SAMD3: variants seen among roughly 807,000 people sequenced by gnomAD.
The protein encoded by SAMD3 is sterile alpha motif domain containing 3.
Under a neutral mutation model 58.5 loss-of-function variants are expected in SAMD3, and 63 were observed. The observed-to-expected ratio is 1.08, with a 90% confidence interval of 0.88 to 1.33. The LOEUF is 1.33. Among genes scored for constraint, SAMD3 ranks in the 40% most tolerant of loss-of-function variants. The pLI is 0.00. For missense variants in SAMD3, 604 were observed against 608.4 expected (o/e 0.99, Z 0.08); for synonymous variants, 220 against 210.3 (o/e 1.05, Z -0.40).
intron 2 of SAMD3, among the ~76,000 whole-genome samples, chr6:130,291,848 C>A (rs1165698764): frequency 2.0e-5 from 3 of 152,082 alleles, no homozygotes; most frequent in Non-Finnish European, 4.4e-5. Context: ...AGTAATTTCC[C>A]AATTTCGTTA....
At chr6:130,274,712 G>A (rs532290374) in intron 2 of SAMD3, among the ~76,000 whole-genome samples, 25 of 151,272 alleles carry the variant, frequency 1.7e-4, no homozygotes, top group Non-Finnish European at 3.5e-4. Flanking sequence ...CTTCTTAATT[G>A]GAATCTGGAG....
At chr6:130,168,486 C>A (rs913271498) in intron 8 of SAMD3, among the ~76,000 whole-genome samples, 2 of 152,114 alleles carry the variant, frequency 1.3e-5, no homozygotes, top group Admixed American at 6.5e-5. Flanking sequence ...ATTAAGACAT[C>A]TACCTTCAAT....
At chr6:130,259,257 G>T (rs6922345) in intron 2 of SAMD3, among the ~76,000 whole-genome samples, 18,859 of 152,168 alleles carry the variant, frequency 0.12, 3,004 homozygotes, top group African/African-American at 0.37. Flanking sequence ...TGATTCTGAT[G>T]GTTAGAAAGT....
intron 1 of SAMD3, among the ~76,000 whole-genome samples, chr6:130,362,179 C>T (rs1293753343): frequency 6.6e-6 from 1 of 152,152 alleles, no homozygotes; most frequent in Non-Finnish European, 1.5e-5. Context: ...TGAACAGTGC[C>T]CTAGTGCAGT....
rs1379149656 is a variant in SAMD3 at position 130,228,008 on chromosome 6, T to C, written c.-187-5195A>G. ...GATACCCTTTTTAAGAAAAATCAGG[T>C]CCAGCAAAGCAAGTAAAACTAGTTA... On this transcript the variant is annotated intron_variant, in intron 2 of 13. Coordinates refer to the SAMD3 transcript ENST00000368134. 2.0e-5 allele frequency among the ~76,000 whole-genome samples: 3 copies of C among 152,138 alleles called. No homozygotes were observed. In the East Asian group the frequency reaches 5.8e-4, roughly 29 times the overall value.
chr6:130,181,104 G>T (rs543768922), intron 7 of SAMD3, among the ~76,000 whole-genome samples: 1 of 151,844 alleles, frequency 6.6e-6, no homozygotes, highest in East Asian at 1.9e-4. Context: ...CCACCACCAT[G>T]CCCGGCTAAT....
intron 8 of SAMD3, among the ~76,000 whole-genome samples, chr6:130,159,178 A>G (rs1197937213): frequency 6.6e-6 from 1 of 152,122 alleles, no homozygotes; most frequent in Non-Finnish European, 1.5e-5. Context: ...AGTCTTTCTC[A>G]TGCTGTTCTC....
intron 9 of SAMD3, among the ~76,000 whole-genome samples, chr6:130,147,827 G>T (rs917944264): frequency 2.0e-5 from 3 of 152,232 alleles, no homozygotes; most frequent in African/African-American, 7.2e-5. Context: ...TTTCCTTGAC[G>T]GTTTCTGAAA....
At chr6:130,158,819 G>T (rs551817788) in intron 8 of SAMD3, among the ~76,000 whole-genome samples, 1 of 152,286 alleles carries the variant, frequency 6.6e-6, no homozygotes, top group South Asian at 2.1e-4. Flanking sequence ...TTTCCCACTG[G>T]TGACTCGGTT....
chr6:130,314,779 A>C (rs1023926747), intron 1 of SAMD3, among the ~76,000 whole-genome samples: 2 of 152,190 alleles, frequency 1.3e-5, no homozygotes, highest in Non-Finnish European at 2.9e-5. Context: ...GAAAAACATA[A>C]TAGATAAAAT....
chr6:130,167,734 C>T (rs948155953), intron 8 of SAMD3, among the ~76,000 whole-genome samples: 2 of 152,282 alleles, frequency 1.3e-5, no homozygotes, highest in South Asian at 2.1e-4. Flanking sequence ...GCATAAGAAG[C>T]GATGGCACAG....
Position 130,335,405 on chromosome 6 carries a change from G to C in SAMD3, c.-303-22312C>G, listed in dbSNP as rs147225597. The stretch of plus-strand genomic sequence containing the variant: ...ATTCCATTAATGCATCTTCCTGATA[G>C]AGGGCCACCTGTGTCCTACTAAGTG... On this transcript the variant is annotated intron_variant, in intron 1 of 13. Coordinates refer to the SAMD3 transcript ENST00000368134. 5.3e-5 allele frequency among the ~76,000 whole-genome samples: 8 copies of C among 152,314 alleles called. No homozygotes were observed. In the East Asian group the frequency reaches 1.5e-3, roughly 29 times the overall value.
At chr6:130,271,161 G>A (rs1278571127) in intron 2 of SAMD3, among the ~76,000 whole-genome samples, 1 of 151,892 alleles carries the variant, frequency 6.6e-6, no homozygotes, top group Non-Finnish European at 1.5e-5. Flanking sequence ...CACCATACTT[G>A]GCTGGTTTTT....
intron 6 of SAMD3, 22 bp from the exon 7 acceptor site, chr6:130,184,209 A>C: frequency 6.3e-7 from 1 of 1,581,480 alleles, no homozygotes; most frequent in Non-Finnish European, 8.6e-7. Flanking sequence ...AACAAGGAGG[A>C]TATGTTTCAC....
At chr6:130,336,819 A>C (rs1198538104) in intron 1 of SAMD3, among the ~76,000 whole-genome samples, 1 of 152,170 alleles carries the variant, frequency 6.6e-6, no homozygotes, top group African/African-American at 2.4e-5. Context: ...TGGAATTTGC[A>C]CCTTGCTACA....
chr6:130,173,189 C>A (rs1472953548), intron 8 of SAMD3, among the ~76,000 whole-genome samples: 1 of 152,082 alleles, frequency 6.6e-6, no homozygotes, highest in Admixed American at 6.6e-5. Context: ...CTTCTGAAGC[C>A]GTCATCAATC....
chr6:130,189,305 G>A (rs769998098), intron 5 of SAMD3, among the ~76,000 whole-genome samples: 2 of 152,120 alleles, frequency 1.3e-5, no homozygotes, highest in South Asian at 2.1e-4. Flanking sequence ...TAAAAGATCT[G>A]TATGCCATGT....
intron 6 of SAMD3, 84 bp downstream of exon 6, chr6:130,184,354 A>T: frequency 7.3e-7 from 1 of 1,364,026 alleles, no homozygotes; most frequent in Non-Finnish European, 1.0e-6. Flanking sequence ...CCACAATCTG[A>T]AGAGAGTTGA....
intron 9 of SAMD3, 103 bp downstream of exon 9, chr6:130,154,711 AAAAAAAAATAT>A (rs1300208794): frequency 2.6e-3 from 331 of 126,978 alleles, no homozygotes; most frequent in African/African-American, 6.8e-3. Flanking sequence ...AAAAAAAAAA[AAAAAAAAATAT>A]ATATATATAT....
Sources: allele counts gnomAD v4.1 joint callset (sites outside exome capture counted in the v4.1 genomes callset), GRCh38; gene constraint gnomAD v4.1.1; transcripts MANE v1.5; gene names NCBI Gene and HGNC (gene_info 2026-07-23, HGNC 2026-07-21).